MYPN: variants seen among roughly 807,000 people sequenced by gnomAD.
MYPN encodes sarcomeric protein myopalladin, 145 kDa (MYOP).
A neutral mutation model predicts 129.4 loss-of-function variants in MYPN; 63 were observed. The ratio of observed to expected loss-of-function variants is 0.49; its 90% CI spans 0.40 to 0.60. MYPN has a LOEUF of 0.60. MYPN is among the 20% of genes least tolerant of loss of function. The pLI is 0.00. For missense variants in MYPN, 1,596 were observed against 1,635.4 expected (o/e 0.98, Z 0.42); for synonymous variants, 629 against 600.9 (o/e 1.05, Z -0.68).
intron 1 of MYPN, among the ~76,000 whole-genome samples, chr10:68,089,419 G>A (rs1049135775): frequency 6.6e-6 from 1 of 152,140 alleles, no homozygotes; most frequent in Non-Finnish European, 1.5e-5. Flanking sequence ...TCGGCTCACT[G>A]CAAGCTCCGT....
In MYPN at chr10:68,210,868, C is replaced by G; in HGVS notation, c.*413C>G. The G allele has an allele frequency of 2.2e-6, 1 of 456,412 alleles. No homozygotes were observed. The highest frequency in any genetic ancestry group is 4.4e-6 in the Non-Finnish European group (1 of 228,194). 28.3% of individuals were successfully genotyped at this position (456,412 alleles called of 1,614,324 possible). ...GATATGACTAACTCACCAAACAATG[C>G]CAAGGAGAAAGGCGGACAGGTCACC... On this transcript the variant is annotated 3_prime_UTR_variant, in exon 20 of 20. Coordinates refer to ENST00000358913, the MANE Select transcript of MYPN (RefSeq NM_032578.4).
At chr10:68,126,596 G>A (rs555074360) in intron 2 of MYPN, among the ~76,000 whole-genome samples, 16 of 152,254 alleles carry the variant, frequency 1.1e-4, no homozygotes, top group South Asian at 2.1e-4. Flanking sequence ...GGATGTCAGC[G>A]AGCAATGTTT....
chr10:68,126,271 T>A (rs2042324903), intron 2 of MYPN, among the ~76,000 whole-genome samples: 1 of 152,098 alleles, frequency 6.6e-6, no homozygotes, highest in African/African-American at 2.4e-5. Context: ...ACGCTCTAAT[T>A]ATAATAATAT....
chr10:68,193,658 T>C (rs1195389875), intron 13 of MYPN, among the ~76,000 whole-genome samples: 1 of 152,196 alleles, frequency 6.6e-6, no homozygotes, highest in Non-Finnish European at 1.5e-5. Context: ...AACATTAGCA[T>C]AGTGTTATCA....
upstream of MYPN, chr10:68,109,481 G>T (rs1343473388): frequency 1.5e-5 from 7 of 454,022 alleles, no homozygotes; most frequent in Admixed American, 1.4e-4. Context: ...AATAACTTGG[G>T]ACCTGTGAGC....
At chr10:68,143,198 C>A in intron 3 of MYPN, 83 bp downstream of exon 3, 2 of 1,318,792 alleles carry the variant, frequency 1.5e-6, no homozygotes, top group African/African-American at 2.9e-5. Flanking sequence ...AGGGCCTCCT[C>A]TACCATGCGC....
In MYPN at chr10:68,096,105, C is replaced by T. The variant is rs189258550; in HGVS notation, c.-2+8113C>T. Among the ~76,000 whole-genome samples the T allele has an allele frequency of 1.7e-3, 261 of 152,268 alleles. 3 individuals are homozygous for T. Among genetic ancestry groups the T allele is most frequent in the Admixed American group, 0.015 (236 of 15,292 alleles). On this transcript the variant is annotated intron_variant, in intron 1 of 6. Coordinates refer to the MYPN transcript ENST00000685154. Reference sequence around the variant, plus strand: ...TCGATAAAAGATAATATACACAAATCAACCGATATTTCTAATAATTCCTAA... The same window carrying T: ...TCGATAAAAGATAATATACACAAATTAACCGATATTTCTAATAATTCCTAA...
At chr10:68,119,713 C>T (rs1222151289) in intron 1 of MYPN, among the ~76,000 whole-genome samples, 1 of 152,186 alleles carries the variant, frequency 6.6e-6, no homozygotes, top group Non-Finnish European at 1.5e-5. Context: ...TGCCCTGTCA[C>T]CTTTGCATTT....
chr10:68,101,756 T>C (rs189037069), upstream of MYPN, among the ~76,000 whole-genome samples: 1,008 of 152,274 alleles, frequency 6.6e-3, 3 homozygotes, highest in Non-Finnish European at 0.012. Flanking sequence ...GATAGCTTAT[T>C]ATATTTTTAA....
chr10:68,110,281 T>G (rs2042064613), intron 1 of MYPN, among the ~76,000 whole-genome samples: 2 of 151,908 alleles, frequency 1.3e-5, no homozygotes, highest in Admixed American at 1.3e-4. Context: ...CTCCGTCTCT[T>G]TCTCTCTCTC....
At chr10:68,107,781 T>C (rs2133955111), upstream of MYPN, among the ~76,000 whole-genome samples, 1 of 152,320 alleles carries the variant, frequency 6.6e-6, no homozygotes, top group Admixed American at 6.5e-5. Context: ...CTTAGTATTC[T>C]ATACCTGGGT....
Position 68,148,482 on chromosome 10 carries a change from G to C in MYPN, c.1245+15G>C. The C allele has an allele frequency of 6.2e-7, 1 of 1,600,430 alleles. No individual in the cohort carries two copies. The highest frequency in any genetic ancestry group is 8.6e-7 in the Non-Finnish European group (1 of 1,167,702). On this transcript the variant is annotated intron_variant, in intron 5 of 19. Transcript: ENST00000358913. ...CCATCCAGCAGGTACAAGAATCCAA[G>C]CGAAACACAAGTGCCATCCACTGTG... is the stretch of plus-strand genomic sequence containing the variant.
At chr10:68,174,002 T>C (rs1479658295) in intron 10 of MYPN, 64 bp from the exon 11 acceptor site, 29 of 1,302,956 alleles carry the variant, frequency 2.2e-5, no homozygotes, top group Non-Finnish European at 3.0e-5. Flanking sequence ...CTGAACATTG[T>C]TTGAAAGGTG....
chr10:68,098,862 G>T (rs1008828819), intron 1 of MYPN, among the ~76,000 whole-genome samples: 1 of 151,000 alleles, frequency 6.6e-6, no homozygotes, highest in Non-Finnish European at 1.5e-5. Context: ...AATTTTTTTT[G>T]AAAATCTGGG....
In MYPN at chr10:68,189,034, C is replaced by G; in HGVS notation, c.2833C>G (p.Pro945Ala). Reference protein sequence around the residue: ...DEIPTGKCIAPIFDKRLKHFR... With the variant: ...DEIPTGKCIAAIFDKRLKHFR... ...GATCCCCACGGGCAAGTGTATTGCT[C>G]CCATCTTTGACAAGAGACTCAAGCA... Residue 945 changes from proline (P) to alanine (A), a missense_variant, in exon 13 of 20, where the codon CCC becomes GCC. By Grantham distance (27) the Pro-to-Ala change is conservative (BLOSUM62 -1). Transcript: ENST00000358913. 4 of 1,614,074 alleles carry G rather than the reference C, an allele frequency of 2.5e-6. No individual in the cohort carries two copies. The highest frequency in any genetic ancestry group is 3.4e-6 in the Non-Finnish European group (4 of 1,180,010).
chr10:68,206,857 G>A lies in MYPN; in HGVS notation c.3747G>A (p.Lys1249=). The change falls in exon 19 of 20, where the codon AAG becomes AAA. Residue 1249 remains lysine (K), a synonymous_variant. Coordinates refer to ENST00000358913, the MANE Select transcript of MYPN (RefSeq NM_032578.4). ...SDAGWYTLSA[K]NEAGIVSCTA... is the part of the protein sequence containing the mutation. ...CTGGATGGTACACGTTGTCAGCCAA[G>A]AATGAAGCCGGCATCGTGTCGTGCA... is the stretch of plus-strand genomic sequence containing the variant. 6.2e-7 allele frequency: 1 copy of A among 1,614,194 alleles called. No homozygotes were observed. The highest frequency in any genetic ancestry group is 8.5e-7 in the Non-Finnish European group (1 of 1,180,038).
At chr10:68,178,520 G>T (rs1589592270) in intron 12 of MYPN, among the ~76,000 whole-genome samples, 1 of 152,102 alleles carries the variant, frequency 6.6e-6, no homozygotes, top group East Asian at 1.9e-4. Context: ...TTCAAGACCA[G>T]CCTGGCCAAC....
chr10:68,175,531 C>T, intron 12 of MYPN, 70 bp downstream of exon 12: 2 of 1,552,026 alleles, frequency 1.3e-6, no homozygotes, highest in Non-Finnish European at 1.8e-6. Flanking sequence ...TTGATTCAGT[C>T]CTCGGATACT....
chr10:68,167,365 A>T (rs1245344269), intron 10 of MYPN, among the ~76,000 whole-genome samples: 1 of 152,134 alleles, frequency 6.6e-6, no homozygotes, highest in Non-Finnish European at 1.5e-5. Flanking sequence ...TGGAAAAACT[A>T]TTTAGTAATT....
Sources: allele counts gnomAD v4.1 joint callset (sites outside exome capture counted in the v4.1 genomes callset), GRCh38; gene constraint gnomAD v4.1.1; transcripts MANE v1.5; gene names NCBI Gene and HGNC (gene_info 2026-07-23, HGNC 2026-07-21).